CACNB2: variants seen among roughly 807,000 people sequenced by gnomAD.
CACNB2 encodes the protein calcium voltage-gated channel auxiliary subunit beta 2.
In CACNB2, 42 loss-of-function variants were observed where a neutral mutation model predicts 73.3. That is an observed-to-expected ratio of 0.57 (90% CI 0.45 to 0.74). The LOEUF is 0.74. CACNB2 is among the 30% of genes least tolerant of loss of function. CACNB2 has a pLI of 0.00. For synonymous variants in CACNB2, 348 were observed against 310.3 expected, an observed-to-expected ratio of 1.12 and a Z score of -1.28; for missense variants, 940 against 853.0, an observed-to-expected ratio of 1.10 and a Z score of -1.27.
chr10:18,150,880 T>TTTTTTTTTTTTG lies in CACNB2; in HGVS notation c.121-3_121-2insTTTTTTTTTTTG. On this transcript the variant is annotated splice_polypyrimidine_tract_variant and splice_region_variant and intron_variant, in intron 1 of 13. Coordinates refer to ENST00000324631, the MANE Select transcript of CACNB2 (RefSeq NM_201596.3). ...CTTTTTTTTTTTTTTTTTTTTTTTTTAGTCATATGGAAAAGGAGCCAGAAG... is the reference window on the plus strand; with the variant it reads ...CTTTTTTTTTTTTTTTTTTTTTTTTTTTTTTTTTTTTGAGTCATATGGAAAAGGAGCCAGAAG... 1 of 1,300,360 alleles carries TTTTTTTTTTTTG rather than the reference T, an allele frequency of 7.7e-7. No homozygotes were observed. The highest frequency in any genetic ancestry group is 1.1e-6 in the Non-Finnish European group (1 of 943,294). 80.6% of individuals were successfully genotyped at this position (1,300,360 alleles called of 1,614,324 possible).
intron 2 of CACNB2, among the ~76,000 whole-genome samples, chr10:18,347,774 A>G (rs1446023038): frequency 6.6e-6 from 1 of 152,128 alleles, no homozygotes; most frequent in Non-Finnish European, 1.5e-5. Flanking sequence ...TATTTCTGCA[A>G]CCTGAAATCT....
intron 2 of CACNB2, among the ~76,000 whole-genome samples, chr10:18,329,279 C>T (rs1384704446): frequency 5.3e-5 from 8 of 152,062 alleles, no homozygotes; most frequent in Admixed American, 3.9e-4. Flanking sequence ...GGTAAACACT[C>T]AGGAGAAACA....
At chr10:18,252,784 C>G (rs939251443) in intron 2 of CACNB2, among the ~76,000 whole-genome samples, 1 of 151,964 alleles carries the variant, frequency 6.6e-6, no homozygotes, top group Non-Finnish European at 1.5e-5. Flanking sequence ...TGCAAGAAAG[C>G]GCAAGGAAAA....
chr10:18,160,763 C>A (rs536335217), intron 2 of CACNB2, among the ~76,000 whole-genome samples: 5 of 152,268 alleles, frequency 3.3e-5, no homozygotes, highest in African/African-American at 9.6e-5. Context: ...CTTCCCTATT[C>A]TGTCACTTAT....
At chr10:18,409,085 G>A (rs1051011073) in intron 3 of CACNB2, among the ~76,000 whole-genome samples, 8 of 152,072 alleles carry the variant, frequency 5.3e-5, no homozygotes, top group African/African-American at 1.7e-4. Flanking sequence ...ATCACCTGAG[G>A]TCAGGAGTTC....
chr10:18,294,520 G>A (rs1418101718), intron 2 of CACNB2, among the ~76,000 whole-genome samples: 2 of 152,168 alleles, frequency 1.3e-5, no homozygotes, highest in Non-Finnish European at 2.9e-5. Context: ...AAGACAAAAA[G>A]CAAATACCTA....
chr10:18,300,424 G>A (rs530113575), intron 2 of CACNB2, among the ~76,000 whole-genome samples: 6 of 152,176 alleles, frequency 3.9e-5, no homozygotes, highest in Admixed American at 1.3e-4. Context: ...ACTAAGCCAA[G>A]ATAAAAAGTA....
chr10:18,437,601 G>T (rs918408212), intron 3 of CACNB2, among the ~76,000 whole-genome samples: 3 of 152,146 alleles, frequency 2.0e-5, no homozygotes, highest in Admixed American at 6.6e-5. Flanking sequence ...ATTCAATCAC[G>T]TGGGCCAATC....
At position 18,532,869 on chromosome 10, in the gene CACNB2, A is replaced by G. The variant is rs185129128; in HGVS notation, c.1055-1207A>G. On this transcript the variant is annotated intron_variant, in intron 10 of 13. Transcript: ENST00000324631. ...TCAGATTTCTTAATGCTTACAGTAA[A>G]TATTAATTTAGGTTGTAACTTGACT... Among the ~76,000 whole-genome samples, 576 of 152,208 alleles carry G rather than the reference A, an allele frequency of 3.8e-3. 4 individuals are homozygous for G. Among genetic ancestry groups the G allele is most frequent in the Admixed American group, 7.3e-3 (111 of 15,294 alleles).
intron 2 of CACNB2, among the ~76,000 whole-genome samples, chr10:18,279,631 T>C (rs2038453971): frequency 6.6e-6 from 1 of 152,242 alleles, no homozygotes; most frequent in African/African-American, 2.4e-5. Flanking sequence ...ATTTAGTTAC[T>C]AAATCATCCA....
At position 18,542,638 on chromosome 10, in the gene CACNB2, G is replaced by A. The variant is rs1028520481; in HGVS notation, c.*2914G>A. On this transcript the variant is annotated 3_prime_UTR_variant, in exon 14 of 14. Transcript: ENST00000324631. ...AGTGCAAATCAGAATATTCCTCAAA[G>A]AACTAGCTTGAAGGATTTGACATAA... The A allele has an allele frequency of 1.6e-4, 24 of 152,094 alleles. No individual in the cohort carries two copies. Among genetic ancestry groups the A allele is most frequent in the African/African-American group, 5.6e-4 (23 of 41,404 alleles). The allele number at this position is 152,094 out of a possible 1,614,324, so 9.4% of individuals were successfully genotyped here. A position where few individuals can be genotyped will look rare whatever the true frequency, so the allele number is the denominator to read the frequency against.
In CACNB2 at chr10:18,543,005, C is replaced by G. The variant is rs1392940545; in HGVS notation, c.*3281C>G. ...TGTAGGATGTCTTAGTCATGTTGTA[C>G]TTTGGGACAATGCCACATTTTTAAC... On this transcript the variant is annotated 3_prime_UTR_variant, in exon 14 of 14. Transcript: ENST00000324631. 1 of 149,354 alleles carries G rather than the reference C, an allele frequency of 6.7e-6. No individual in the cohort carries two copies. Among genetic ancestry groups the G allele is most frequent in the African/African-American group, 2.5e-5 (1 of 40,562 alleles). The allele number at this position is 149,354 out of a possible 1,614,324, so 9.3% of individuals were successfully genotyped here.
chr10:18,288,496 G>T (rs7914038), intron 2 of CACNB2, among the ~76,000 whole-genome samples: 40,776 of 151,934 alleles, frequency 0.27, 6,843 homozygotes, highest in African/African-American at 0.48. Flanking sequence ...ATTCATCTTT[G>T]AGTAGTATTG....
intron 2 of CACNB2, among the ~76,000 whole-genome samples, chr10:18,339,742 T>G (rs1341354471): frequency 6.6e-6 from 1 of 152,226 alleles, no homozygotes; most frequent in African/African-American, 2.4e-5. Flanking sequence ...AAACATTTAT[T>G]TAAGAACATT....
chr10:18,188,364 T>C (rs771695308), intron 2 of CACNB2, among the ~76,000 whole-genome samples: 2 of 152,066 alleles, frequency 1.3e-5, no homozygotes, highest in Admixed American at 6.6e-5. Flanking sequence ...AGGGATGCAG[T>C]GGTGCAATCA....
intron 2 of CACNB2, among the ~76,000 whole-genome samples, chr10:18,365,950 T>G (rs1351331437): frequency 6.6e-6 from 1 of 152,254 alleles, no homozygotes; most frequent in Non-Finnish European, 1.5e-5. Context: ...AGGAAGTTTC[T>G]GAGCCCTCTC....
intron 2 of CACNB2, among the ~76,000 whole-genome samples, chr10:18,186,878 G>T (rs928022578): frequency 6.6e-6 from 1 of 152,136 alleles, no homozygotes; most frequent in Non-Finnish European, 1.5e-5. Flanking sequence ...TCAATAAAAC[G>T]AATGGGGCAG....
chr10:18,346,390 G>A (rs1388798234), intron 2 of CACNB2, among the ~76,000 whole-genome samples: 2 of 151,934 alleles, frequency 1.3e-5, no homozygotes, highest in African/African-American at 2.4e-5. Context: ...CACTCGCCTC[G>A]GCCTCCCAAA....
intron 2 of CACNB2, among the ~76,000 whole-genome samples, chr10:18,252,289 C>A (rs1042737063): frequency 6.6e-6 from 1 of 152,130 alleles, no homozygotes; most frequent in African/African-American, 2.4e-5. Flanking sequence ...CACAATGTTC[C>A]TTTTTATGGG....
Sources: gnomAD v4.1 joint callset for allele counts (sites outside exome capture counted in the v4.1 genomes callset) on GRCh38, gnomAD v4.1.1 for gene constraint, MANE v1.5 for transcripts, NCBI Gene and HGNC (gene_info 2026-07-23, HGNC 2026-07-21) for gene names.